Variants in NBPF11 observed in about 807,000 individuals in gnomAD.
NBPF11 encodes NBPF member 11.
In NBPF11, 72 loss-of-function variants were observed where a neutral mutation model predicts 93.9. The observed-to-expected ratio is 0.77, with a 90% CI of 0.63 to 0.93. The LOEUF is 0.93. NBPF11 is among the 40% of genes least tolerant of loss of function. NBPF11 has a pLI of 0.00. For missense variants in NBPF11, 705 were observed against 802.2 expected (o/e 0.88, Z 1.46); for synonymous variants, 224 against 304.9 (o/e 0.73, Z 2.76).
At chr1:148,108,305 C>T (rs1271819426) in intron 18 of NBPF11, among the ~76,000 whole-genome samples, 177 bp downstream of exon 18, 3 of 151,748 alleles carry the variant, frequency 2.0e-5, no homozygotes, top group African/African-American at 7.3e-5. Flanking sequence ...TGCTCACTGA[C>T]CCATCCCTTG....
intron 9 of NBPF11, 68 bp downstream of exon 9, chr1:148,121,987 G>A (rs1350815916): frequency 1.0e-6 from 1 of 965,566 alleles, no homozygotes; most frequent in African/African-American, 1.6e-5. Context: ...TGTATATACA[G>A]CCTGTCCTCA....
chr1:148,136,740 C>T lies in NBPF11; in HGVS notation c.-177-927G>A, dbSNP rs1411867088. ...GAATCACTGTAGTTGTTATTCTATGCCTGTCCCATCATTTCACATTAGGGA... is the reference window on the plus strand; with the variant it reads ...GAATCACTGTAGTTGTTATTCTATGTCTGTCCCATCATTTCACATTAGGGA... On this transcript the variant is annotated intron_variant, in intron 3 of 23. Coordinates refer to ENST00000682118, the MANE Select transcript of NBPF11 (RefSeq NM_001385469.3). Among the ~76,000 whole-genome samples, 816 of 151,804 alleles carry T rather than the reference C, an allele frequency of 5.4e-3. 15 individuals carry two copies. Among genetic ancestry groups the T allele is most frequent in the African/African-American group, 0.019 (763 of 41,110 alleles).
At position 148,134,917 on chromosome 1, in the gene NBPF11, C is replaced by A. The variant is rs1261342232; in HGVS notation, c.-36+755G>T. ...TCCAGACAGAGCCCACAAGCCTCAACCATGCTTTGCTTCTGCAAGATGCTT... is the reference window on the plus strand; with the variant it reads ...TCCAGACAGAGCCCACAAGCCTCAAACATGCTTTGCTTCTGCAAGATGCTT... On this transcript the variant is annotated intron_variant, in intron 4 of 23. Transcript: ENST00000682118. Among the ~76,000 whole-genome samples, 805 of 152,064 alleles carry A rather than the reference C, an allele frequency of 5.3e-3. 6 individuals carry two copies. The highest frequency in any genetic ancestry group is 7.0e-3 in the Non-Finnish European group (478 of 68,022).
At chr1:148,126,758 T>A (rs1269413678) in intron 5 of NBPF11, 71 bp downstream of exon 5, 2 of 1,496,808 alleles carry the variant, frequency 1.3e-6, no homozygotes, top group Non-Finnish European at 1.9e-6. Context: ...AGGATGAAAT[T>A]ATTTTTGATG....
chr1:148,136,911 G>T (rs1465662665), intron 3 of NBPF11, among the ~76,000 whole-genome samples: 5 of 152,000 alleles, frequency 3.3e-5, no homozygotes, highest in African/African-American at 9.7e-5. Flanking sequence ...ATCTGATGTG[G>T]TCTACATGAC....
At chr1:148,135,521 T>C (rs1671134821) in intron 4 of NBPF11, 151 bp downstream of exon 4, 4 of 478,158 alleles carry the variant, frequency 8.4e-6, no homozygotes, top group Non-Finnish European at 1.5e-5. Context: ...TAGAAAATTG[T>C]TGAACAAGGG....
intron 17 of NBPF11, among the ~76,000 whole-genome samples, chr1:148,108,930 A>G (rs1274753694): frequency 4.0e-5 from 6 of 150,314 alleles, no homozygotes; most frequent in Non-Finnish European, 7.4e-5. Flanking sequence ...CACACTGATG[A>G]GGGAGTCAAA....
At chr1:148,111,465 G>C (rs1553268629) in intron 15 of NBPF11, among the ~76,000 whole-genome samples, 1 of 151,952 alleles carries the variant, frequency 6.6e-6, no homozygotes, top group African/African-American at 2.4e-5. Context: ...TGAGCTAAAG[G>C]AGGATGTGCG....
At chr1:148,119,406 C>T (rs2994358) in intron 10 of NBPF11, among the ~76,000 whole-genome samples, 8 of 151,780 alleles carry the variant, frequency 5.3e-5, no homozygotes, top group Non-Finnish European at 8.8e-5. Context: ...TAATTCACTG[C>T]AGCAATTTAC....
Position 148,115,715 on chromosome 1 carries a change from T to C in NBPF11, c.1585+78A>G. The C allele has an allele frequency of 2.6e-6, 3 of 1,162,502 alleles. No homozygotes were observed. In the East Asian group the frequency reaches 7.3e-5, roughly 28 times the overall value. 72.0% of individuals were successfully genotyped at this position (1,162,502 alleles called of 1,614,324 possible). A position where few individuals can be genotyped will look rare whatever the true frequency, so the allele number is the denominator to read the frequency against. On this transcript the variant is annotated intron_variant, in intron 14 of 23. Coordinates refer to ENST00000682118, the MANE Select transcript of NBPF11 (RefSeq NM_001385469.3). ...ACAGTTTTTTATTCAAATGAATTTG[T>C]GTTTATAGAGCCTGTCTTCAGAGTT...
chr1:148,144,648 C>G (rs1264461007), intron 1 of NBPF11, among the ~76,000 whole-genome samples: 1 of 151,824 alleles, frequency 6.6e-6, no homozygotes, highest in Non-Finnish European at 1.5e-5. Context: ...ATTTTAGTAC[C>G]TGTTTTAAAT....
chr1:148,105,445 A>C lies in NBPF11; in HGVS notation c.2387T>G (p.Leu796Trp), dbSNP rs782593073. ...LDVIQLLPVV[L>W]NSLTPASPTE... The stretch of plus-strand genomic sequence containing the variant: ...AGGGCTGGCAGGAGTCAGGCTGTTC[A>C]AGACAACTGGAAGGAGTTGAATAAC... Residue 796 changes from leucine to tryptophan, a missense_variant, in exon 22 of 24, where the codon TTG (leucine) becomes TGG (tryptophan). Transcript: ENST00000682118. 12,465 of 1,108,354 alleles carry C rather than the reference A, an allele frequency of 0.011. 366 individuals are homozygous for C. Among genetic ancestry groups the C allele is most frequent in the Non-Finnish European group, 0.013 (9,709 of 743,638 alleles). 68.7% of individuals were successfully genotyped at this position (1,108,354 alleles called of 1,614,324 possible). A position where few individuals can be genotyped will look rare whatever the true frequency, so the allele number is the denominator to read the frequency against.
chr1:148,134,149 C>G (rs1670887864), intron 4 of NBPF11, among the ~76,000 whole-genome samples: 1 of 151,680 alleles, frequency 6.6e-6, no homozygotes, highest in African/African-American at 2.4e-5. Context: ...TTCCCCTCAC[C>G]CATGCATTTC....
At chr1:148,114,912 A>C (rs1571427097) in intron 14 of NBPF11, among the ~76,000 whole-genome samples, 1 of 151,550 alleles carries the variant, frequency 6.6e-6, no homozygotes, top group Non-Finnish European at 1.5e-5. Context: ...TTTAAAAAGC[A>C]TCTGTGATTT....
chr1:148,106,778 G>A lies in NBPF11; in HGVS notation c.2251+164C>T, dbSNP rs1429980061. 2.2e-4 allele frequency among the ~76,000 whole-genome samples: 32 copies of A among 148,204 alleles called. 1 individual carries two copies. In the South Asian group the frequency reaches 6.7e-3, roughly 31 times the overall value. On this transcript the variant is annotated intron_variant, in intron 20 of 23. Transcript: ENST00000682118. ...TGCTCACTGACCCATTTCATGTCTA[G>A]GCTTCCAGCTGAGACTACAGTTTCA...
At chr1:148,141,694 G>T (rs1302140753) in intron 2 of NBPF11, among the ~76,000 whole-genome samples, 1 of 151,722 alleles carries the variant, frequency 6.6e-6, no homozygotes. Flanking sequence ...GACAGTTCAG[G>T]GTTCTGGTAA....
intron 1 of NBPF11, chr1:148,149,286 T>C: frequency 6.3e-7 from 1 of 1,596,750 alleles, no homozygotes; most frequent in East Asian, 2.2e-5. Context: ...ACCTCGGGCA[T>C]GCGCGTCGCC....
intron 4 of NBPF11, among the ~76,000 whole-genome samples, chr1:148,134,931 T>C (rs1671031780): frequency 6.6e-6 from 1 of 151,896 alleles, no homozygotes; most frequent in Non-Finnish European, 1.5e-5. Flanking sequence ...GCTTTGCTTC[T>C]GCAAGATGCT....
At chr1:148,112,874 T>C (rs1665622569) in intron 15 of NBPF11, among the ~76,000 whole-genome samples, 1 of 150,894 alleles carries the variant, frequency 6.6e-6, no homozygotes, top group Non-Finnish European at 1.5e-5. Flanking sequence ...CAAACAAAGC[T>C]TCATAAGTGA....
Sources: gnomAD v4.1 joint callset for allele counts (sites outside exome capture counted in the v4.1 genomes callset) on GRCh38, gnomAD v4.1.1 for gene constraint, MANE v1.5 for transcripts, NCBI Gene and HGNC (gene_info 2026-07-23, HGNC 2026-07-21) for gene names.